PCDHGA8: variants seen among roughly 807,000 people sequenced by gnomAD.
PCDHGA8 encodes protocadherin gamma-A8.
PCDHGA8 carries 45 observed loss-of-function variants against 59.2 expected under a neutral mutation model. The ratio of observed to expected loss-of-function variants is 0.76; its 90% CI spans 0.60 to 0.98. The LOEUF is 0.98. Among genes scored for constraint, PCDHGA8 ranks in the 50% least tolerant of loss-of-function variants. PCDHGA8 has a pLI of 0.00. For synonymous variants in PCDHGA8, 531 were observed against 519.0 expected (o/e 1.02, Z -0.32); for missense variants, 1,257 against 1,196.2 (o/e 1.05, Z -0.75).
At chr5:141,455,506 G>T (rs1307993951) in intron 1 of PCDHGA8, among the ~76,000 whole-genome samples, 1 of 152,152 alleles carries the variant, frequency 6.6e-6, no homozygotes, top group African/African-American at 2.4e-5. Flanking sequence ...ATTTGCATAG[G>T]GCTCAGGGGA....
chr5:141,489,300 C>A lies in PCDHGA8; in HGVS notation c.2425-5507C>A. On this transcript the variant is annotated intron_variant, in intron 1 of 3. Coordinates refer to ENST00000398604, the MANE Select transcript of PCDHGA8 (RefSeq NM_032088.2). The surrounding 1 kb of genome is among the most constrained non-coding windows in gnomAD (Gnocchi z 4.5). ...AATGGCAAGTGCTGTGCATGTTGTC[C>A]TTGTGCTGCTGGGGCTGGGTGTCTG... 1 of 1,585,698 alleles carries A rather than the reference C, an allele frequency of 6.3e-7. No homozygotes were observed. Among genetic ancestry groups the A allele is most frequent in the South Asian group, 1.2e-5 (1 of 85,012 alleles).
chr5:141,487,485 G>A lies in PCDHGA8; in HGVS notation c.2425-7322G>A. On this transcript the variant is annotated intron_variant, in intron 1 of 3. Transcript: ENST00000398604. The surrounding 1 kb of genome is among the most constrained non-coding windows in gnomAD (Gnocchi z 5.0). ...GTTGATGTGGGAGGCCACTCTCATG[G>A]CTGTACACCCTTGGCTTCTGCACCC... The A allele has an allele frequency of 6.2e-7, 1 of 1,614,164 alleles. No homozygotes were observed. Among genetic ancestry groups the A allele is most frequent in the Non-Finnish European group, 8.5e-7 (1 of 1,180,030 alleles).
At chr5:141,433,397 A>C (rs189987785) in intron 1 of PCDHGA8, among the ~76,000 whole-genome samples, 2 of 150,410 alleles carry the variant, frequency 1.3e-5, no homozygotes, top group African/African-American at 4.9e-5. Context: ...CTATCTATCT[A>C]TCTATCTATT....
At chr5:141,460,951 G>GTATATATA (rs200454978) in intron 1 of PCDHGA8, among the ~76,000 whole-genome samples, 42 of 139,772 alleles carry the variant, frequency 3.0e-4, no homozygotes, top group African/African-American at 1.1e-3. Context: ...TATGTATTAT[G>GTATATATA]TATATATATA....
chr5:141,432,537 C>T lies in PCDHGA8; in HGVS notation c.2424+37300C>T, dbSNP rs367578838. Reference sequence around the variant, plus strand: ...GGCTACCTGGTGACCAAGGTGGTGGCGGTGGACAGAGACTCCGGCCAGAAC... The same window carrying T: ...GGCTACCTGGTGACCAAGGTGGTGGTGGTGGACAGAGACTCCGGCCAGAAC... On this transcript the variant is annotated intron_variant, in intron 1 of 3. Transcript: ENST00000398604. This position sits in a 1 kb window ranked among gnomAD's most constrained non-coding sequence, Gnocchi z 6.0. The T allele has an allele frequency of 5.6e-6, 9 of 1,613,882 alleles. No homozygotes were observed. The African/African-American group carries it at 6.7e-5, about 12-fold the overall frequency.
chr5:141,418,360 G>T (rs544948410), intron 1 of PCDHGA8: 4 of 1,613,990 alleles, frequency 2.5e-6, no homozygotes, highest in Non-Finnish European at 3.4e-6. Flanking sequence ...TGAATTCGCT[G>T]AGCAAATACC....
At chr5:141,426,693 A>G (rs62378458) in intron 1 of PCDHGA8, 1 of 435,784 alleles carries the variant, frequency 2.3e-6, no homozygotes, top group African/African-American at 2.0e-5. Flanking sequence ...CCAAAATAGC[A>G]TTGTTTTACA....
intron 1 of PCDHGA8, chr5:141,404,926 C>CA (rs765817542): frequency 1.2e-6 from 2 of 1,613,884 alleles, no homozygotes; most frequent in Non-Finnish European, 1.7e-6. Context: ...CGGCCACTGT[C>CA]ACGCTCACAG....
intron 1 of PCDHGA8, chr5:141,395,542 TTGTGTGTGTGTGTGTGTG>T (rs55729045): frequency 3.2e-4 from 55 of 172,630 alleles, no homozygotes; most frequent in Middle Eastern, 1.8e-3. Context: ...TTGCTATTGT[TTGTGTGTGTGTGTGTGTG>T]TGTGTGTGTG....
chr5:141,480,599 C>A (rs1202373543), intron 1 of PCDHGA8, among the ~76,000 whole-genome samples: 1 of 141,438 alleles, frequency 7.1e-6, no homozygotes, highest in East Asian at 1.9e-4. Flanking sequence ...TCTGGTCAGC[C>A]TGGAAAGCAA....
At chr5:141,454,796 ATTTTTTT>A (rs61612330) in intron 1 of PCDHGA8, among the ~76,000 whole-genome samples, 2,943 of 77,244 alleles carry the variant, frequency 0.038, 52 homozygotes, top group African/African-American at 0.09. Context: ...CATGGTTCTA[ATTTTTTT>A]TTTTTTTTTT....
intron 2 of PCDHGA8, among the ~76,000 whole-genome samples, chr5:141,499,112 A>G (rs550424495): frequency 6.6e-6 from 1 of 152,238 alleles, no homozygotes; most frequent in African/African-American, 2.4e-5. Context: ...CCCCACCACT[A>G]TCCCTTCTCA....
chr5:141,418,694 TATTCC>T, intron 1 of PCDHGA8: 2 of 1,614,044 alleles, frequency 1.2e-6, no homozygotes, highest in Non-Finnish European at 1.7e-6. Flanking sequence ...AGAGATCACT[TATTCC>T]TTCTTTGGTG....
intron 1 of PCDHGA8, chr5:141,409,421 G>C (rs1381290106): frequency 6.2e-7 from 1 of 1,614,044 alleles, no homozygotes; most frequent in South Asian, 1.1e-5. Context: ...ACTGGTGACA[G>C]ATGGAGCCCT....
chr5:141,415,980 T>C, intron 1 of PCDHGA8: 1 of 348,656 alleles, frequency 2.9e-6, no homozygotes, highest in Non-Finnish European at 4.8e-6. Context: ...TAAGCAACCC[T>C]CTTGTTCTGA....
chr5:141,394,410 A>G lies in PCDHGA8; in HGVS notation c.1597A>G (p.Thr533Ala). ...GATCCGAGACCTGCAGCTACTGGTA[A>G]CAGCCAGCGACAGCGGGGACCCGCC... ...EQIRDLQLLV[T>A]ASDSGDPPLS... Residue 533 changes from threonine to alanine, a missense_variant, in exon 1 of 4, where the codon ACA becomes GCA. Thr to Ala is a moderately conservative substitution (Grantham distance 58). Transcript: ENST00000398604. 6.2e-7 allele frequency: 1 copy of G among 1,614,210 alleles called. No individual in the cohort carries two copies. The highest frequency in any genetic ancestry group is 8.5e-7 in the Non-Finnish European group (1 of 1,180,046).
intron 1 of PCDHGA8, chr5:141,409,991 G>A: frequency 6.2e-6 from 10 of 1,613,320 alleles, no homozygotes; most frequent in Non-Finnish European, 7.6e-6. Flanking sequence ...GGTGGACGCC[G>A]ACTCGGGACA....
At position 141,393,206 on chromosome 5, in the gene PCDHGA8, A is replaced by G. The variant is rs774279389; in HGVS notation, c.393A>G (p.Pro131=). Residue 131 remains proline, a synonymous_variant, in exon 1 of 4, where the codon CCA becomes CCG. Transcript: ENST00000398604. ...IEIIDINDNN[P]KFQVEDLEVK... ...TAATTGATATTAACGATAATAACCCAAAATTCCAGGTCGAAGATCTAGAAG... is the reference window on the plus strand; with the variant it reads ...TAATTGATATTAACGATAATAACCCGAAATTCCAGGTCGAAGATCTAGAAG... The G allele has an allele frequency of 1.2e-6, 2 of 1,613,588 alleles. No individual in the cohort carries two copies. The highest frequency in any genetic ancestry group is 1.7e-6 in the Non-Finnish European group (2 of 1,179,902).
At chr5:141,502,203 C>G (rs1562205141) in intron 2 of PCDHGA8, among the ~76,000 whole-genome samples, 1 of 152,122 alleles carries the variant, frequency 6.6e-6, no homozygotes. Context: ...ATAGAATCCA[C>G]CAGCAGATTT....
Sources: allele counts gnomAD v4.1 joint callset (sites outside exome capture counted in the v4.1 genomes callset), GRCh38; gene constraint gnomAD v4.1.1; non-coding constraint Gnocchi (gnomAD v3.1); transcripts MANE v1.5; gene names NCBI Gene and HGNC (gene_info 2026-07-23, HGNC 2026-07-21).